NFATC2: variants seen among roughly 807,000 people sequenced by gnomAD.
The protein encoded by NFATC2 is nuclear factor of activated T cells 2.
A neutral mutation model predicts 87.3 loss-of-function variants in NFATC2; 22 were observed. The observed-to-expected ratio is 0.25, with a 90% CI of 0.18 to 0.36. The LOEUF is 0.36. Ranked by LOEUF, NFATC2 falls within the 10% of genes least tolerant of loss-of-function variation. NFATC2 has a pLI of 1.00. For synonymous variants in NFATC2, 565 were observed against 542.2 expected (o/e 1.04, Z -0.58); for missense variants, 1,149 against 1,259.1 (o/e 0.91, Z 1.32).
intron 1 of NFATC2, among the ~76,000 whole-genome samples, chr20:51,554,595 C>T (rs905265692): frequency 3.9e-5 from 6 of 152,218 alleles, no homozygotes; most frequent in Non-Finnish European, 5.9e-5. Context: ...GTCACAGACA[C>T]GATTTCCTTT....
At chr20:51,455,198 A>G (rs1446752681) in intron 5 of NFATC2, among the ~76,000 whole-genome samples, 2 of 152,210 alleles carry the variant, frequency 1.3e-5, no homozygotes, top group African/African-American at 4.8e-5. Flanking sequence ...TATGATCTTT[A>G]ACATAGTCGT....
At chr20:51,506,006 A>G (rs2076172996) in intron 3 of NFATC2, among the ~76,000 whole-genome samples, 1 of 152,168 alleles carries the variant, frequency 6.6e-6, no homozygotes, top group Non-Finnish European at 1.5e-5. Flanking sequence ...TTGGCACCTC[A>G]CCAATTTAAT....
rs910907259 is a variant in NFATC2 at position 51,390,588 on chromosome 20, C to A, written c.*908G>T. The A allele has an allele frequency of 6.6e-6, 1 of 152,352 alleles. No homozygotes were observed. Among genetic ancestry groups the A allele is most frequent in the Non-Finnish European group, 1.5e-5 (1 of 68,158 alleles). 9.4% of individuals were successfully genotyped at this position (152,352 alleles called of 1,614,324 possible). On this transcript the variant is annotated 3_prime_UTR_variant, in exon 11 of 11. Transcript: ENST00000371564. ...GCTCTCTGCAGCCTGGGTCAGCCCC[C>A]CAAGTCTATGGAAATTGTGTTAGCA...
intron 1 of NFATC2, among the ~76,000 whole-genome samples, chr20:51,538,379 A>C (rs2076754279): frequency 6.6e-6 from 1 of 152,198 alleles, no homozygotes; most frequent in African/African-American, 2.4e-5. Flanking sequence ...TTTGTAATAA[A>C]AACTCTCGGG....
At chr20:51,503,283 C>G (rs3787191) in intron 3 of NFATC2, among the ~76,000 whole-genome samples, 14,577 of 152,266 alleles carry the variant, frequency 0.096, 914 homozygotes, top group South Asian at 0.18. Flanking sequence ...GCAGTTTGCA[C>G]TTGGCACTGT....
rs768827421 is a variant in NFATC2, at chr20:51,523,991, C to CG, written c.249dup (p.Gly84ArgfsTer8). Reference sequence around the variant, plus strand: ...ACCCTATCCGGCTCTCCGAATCGGCCGGGGGGCTCGCCAGAGAGACTAGCA... The same window carrying CG: ...ACCCTATCCGGCTCTCCGAATCGGCCGGGGGGGCTCGCCAGAGAGACTAGCA... On this transcript the variant is annotated frameshift_variant, in exon 2 of 11. Transcript: ENST00000371564. LOFTEE classifies it high-confidence loss of function. This position sits in a 1 kb window ranked among gnomAD's most constrained non-coding sequence, Gnocchi z 6.9. 2 of 1,569,756 alleles carry CG rather than the reference C, an allele frequency of 1.3e-6. No individual in the cohort carries two copies. The highest frequency in any genetic ancestry group is 8.6e-7 in the Non-Finnish European group (1 of 1,163,600).
At chr20:51,437,550 A>G (rs1391675094) in intron 6 of NFATC2, among the ~76,000 whole-genome samples, 1 of 152,182 alleles carries the variant, frequency 6.6e-6, no homozygotes, top group African/African-American at 2.4e-5. Context: ...CTGGACTTCA[A>G]GCGTTCTTAA....
chr20:51,508,615 T>C (rs1464791910), intron 3 of NFATC2, among the ~76,000 whole-genome samples: 1 of 151,852 alleles, frequency 6.6e-6, no homozygotes, highest in African/African-American at 2.4e-5. Flanking sequence ...CCCGCCTCCA[T>C]CTTGAAGTGA....
intron 5 of NFATC2, among the ~76,000 whole-genome samples, chr20:51,459,764 G>A (rs372711568): frequency 4.6e-5 from 7 of 151,958 alleles, no homozygotes; most frequent in African/African-American, 1.5e-4. Flanking sequence ...CTGTAATCCC[G>A]GCTACTTGGG....
chr20:51,544,187 CTG>C (rs1018020640), upstream of NFATC2, among the ~76,000 whole-genome samples: 5 of 151,818 alleles, frequency 3.3e-5, no homozygotes, highest in African/African-American at 4.8e-5. Context: ...TGGGGTTTCA[CTG>C]TGTTAGCCAG....
Position 51,558,951 on chromosome 20 carries a change from G to A in NFATC2, c.70+3609C>T, listed in dbSNP as rs935291787. 7.9e-5 allele frequency among the ~76,000 whole-genome samples: 12 copies of A among 152,196 alleles called. No homozygotes were observed. The South Asian group carries it at 8.3e-4, about 10-fold the overall frequency. On this transcript the variant is annotated intron_variant, in intron 1 of 10. Transcript: ENST00000414705. ...GGAGACTCACAGAAATAGGAGACCC[G>A]ATCCCTGGCCTCAGGGGGCTTGTAA... is the stretch of plus-strand genomic sequence containing the variant.
At chr20:51,534,782 C>T (rs2146774037) in intron 1 of NFATC2, among the ~76,000 whole-genome samples, 1 of 152,306 alleles carries the variant, frequency 6.6e-6, no homozygotes, top group African/African-American at 2.4e-5. Flanking sequence ...GCCAGACACC[C>T]TCGCCCAGGA....
chr20:51,406,262 A>G (rs1414179090), intron 9 of NFATC2, among the ~76,000 whole-genome samples: 1 of 152,232 alleles, frequency 6.6e-6, no homozygotes, highest in East Asian at 1.9e-4. Context: ...ACCACCTGGC[A>G]ACAAGAATAC....
intron 9 of NFATC2, chr20:51,398,933 G>A: frequency 1.8e-6 from 1 of 563,678 alleles, no homozygotes; most frequent in Non-Finnish European, 3.2e-6. Flanking sequence ...TGGAGATGAG[G>A]GACTCTGTGC....
chr20:51,547,416 C>T (rs925251520), upstream of NFATC2, among the ~76,000 whole-genome samples: 11 of 152,102 alleles, frequency 7.2e-5, no homozygotes, highest in African/African-American at 1.9e-4. Flanking sequence ...CACTGACTCC[C>T]GAAACGCCTT....
rs139063519 is a variant in NFATC2, at chr20:51,562,002, T to C, written c.70+558A>G. 3.8e-4 allele frequency among the ~76,000 whole-genome samples: 58 copies of C among 152,078 alleles called. No homozygotes were observed. In the East Asian group the frequency reaches 0.011, roughly 29 times the overall value. ...GATGGTACATTGCACTTTAAAGGGG[T>C]AGCTGGAGGACTCTATCCAGCAGGC... is the stretch of plus-strand genomic sequence containing the variant. On this transcript the variant is annotated intron_variant, in intron 1 of 10. Transcript: ENST00000414705. This position sits in a 1 kb window ranked among gnomAD's most constrained non-coding sequence, Gnocchi z 5.8.
chr20:51,406,254 C>T (rs1307646217), intron 9 of NFATC2, among the ~76,000 whole-genome samples: 3 of 152,200 alleles, frequency 2.0e-5, no homozygotes, highest in Non-Finnish European at 4.4e-5. Context: ...TTTCACTTAC[C>T]ACCTGGCAAC....
At chr20:51,431,116 G>A (rs1982638967) in intron 9 of NFATC2, among the ~76,000 whole-genome samples, 1 of 152,122 alleles carries the variant, frequency 6.6e-6, no homozygotes, top group Non-Finnish European at 1.5e-5. Flanking sequence ...TTGCATGCCT[G>A]TCTCCAAACA....
intron 9 of NFATC2, among the ~76,000 whole-genome samples, chr20:51,422,987 T>C (rs1981181741): frequency 6.6e-6 from 1 of 151,434 alleles, no homozygotes; most frequent in African/African-American, 2.4e-5. Flanking sequence ...ATGTAGATTT[T>C]TTAACATTAT....
Sources: gnomAD v4.1 joint callset for allele counts (sites outside exome capture counted in the v4.1 genomes callset) on GRCh38, gnomAD v4.1.1 for gene constraint, Gnocchi (gnomAD v3.1) non-coding constraint, MANE v1.5 for transcripts, NCBI Gene and HGNC (gene_info 2026-07-23, HGNC 2026-07-21) for gene names.